Variants in GLB1 observed in about 807,000 individuals in gnomAD.
GLB1 encodes galactosidase beta 1.
Under a neutral mutation model 74.0 loss-of-function variants are expected in GLB1, and 56 were observed. That is an observed-to-expected ratio of 0.76 (90% CI 0.61 to 0.94). GLB1 has a LOEUF of 0.94. GLB1 is among the 40% of genes least tolerant of loss of function. The probability of loss-of-function intolerance (pLI) is 0.00; values close to 1 mark genes in which losing one functional copy is unlikely to be tolerated. For synonymous variants in GLB1, 323 were observed against 323.6 expected, an observed-to-expected ratio of 1.00 and a Z score of 0.02; for missense variants, 787 against 845.5, an observed-to-expected ratio of 0.93 and a Z score of 0.86.
intron 5 of GLB1, among the ~76,000 whole-genome samples, chr3:33,064,599 A>G (rs1363707785): frequency 6.6e-6 from 1 of 151,704 alleles, no homozygotes; most frequent in Non-Finnish European, 1.5e-5. Flanking sequence ...CAACATGGCG[A>G]AACCCCGTCT....
downstream of GLB1, among the ~76,000 whole-genome samples, chr3:32,993,982 C>A (rs79493384): frequency 1.7e-4 from 26 of 152,260 alleles, no homozygotes; most frequent in Non-Finnish European, 1.5e-5. Flanking sequence ...TCATTATTCA[C>A]TATCTTCAAA....
At chr3:33,065,660 C>T in intron 4 of GLB1, 103 bp from the exon 5 acceptor site, 4 of 1,391,646 alleles carry the variant, frequency 2.9e-6, no homozygotes, top group Non-Finnish European at 4.0e-6. Flanking sequence ...AATTCGTAAA[C>T]TTTTTAAAAA....
intron 10 of GLB1, chr3:33,045,245 C>CT (rs35949170): frequency 0.14 from 76,397 of 557,066 alleles, 1,805 homozygotes; most frequent in East Asian, 0.38. Context: ...TAGACTCACT[C>CT]TTTTTTTTTT....
At chr3:33,095,430 G>A (rs1575504588) in intron 1 of GLB1, among the ~76,000 whole-genome samples, 1 of 152,260 alleles carries the variant, frequency 6.6e-6, no homozygotes, top group African/African-American at 2.4e-5. Context: ...GGAGGCTGAG[G>A]CAGGAGAATG....
intron 10 of GLB1, among the ~76,000 whole-genome samples, chr3:33,035,751 C>G (rs1698248158): frequency 6.6e-6 from 1 of 152,314 alleles, no homozygotes; most frequent in African/African-American, 2.4e-5. Context: ...TATTGTAGCT[C>G]AAACTGACTA....
At chr3:33,047,562 G>C (rs1698792701) in intron 9 of GLB1, among the ~76,000 whole-genome samples, 1 of 152,236 alleles carries the variant, frequency 6.6e-6, no homozygotes, top group Non-Finnish European at 1.5e-5. Context: ...ATGCAAGTGT[G>C]TGAGAATGAA....
In GLB1 at chr3:33,018,525, G is replaced by C. The variant is rs1032159843; in HGVS notation, c.1270C>G (p.Gln424Glu). 2 of 1,614,046 alleles carry C rather than the reference G, an allele frequency of 1.2e-6. No homozygotes were observed. Among genetic ancestry groups the C allele is most frequent in the Admixed American group, 1.7e-5 (1 of 60,012 alleles). Residue 424 changes from glutamine to glutamate, a missense_variant, in exon 13 of 16, where the codon CAA (glutamine) becomes GAA (glutamate). Physicochemically the swap from Gln to Glu is conservative, Grantham distance 29. Transcript: ENST00000307363. Reference protein sequence around the residue: ...GFVLYRTTLPQDCSNPAPLSS... With the variant: ...GFVLYRTTLPEDCSNPAPLSS... ...AGAGGTGCTGGGTTGCTGCAATCTT[G>C]AGGAAGTGTTGTCCGGTACAGCACA...
Position 33,051,753 on chromosome 3 carries a change from C to T in GLB1, c.955+5G>A, listed in dbSNP as rs1464136979. ...AAGTTTCTACAGATATTAAAGTGCT[C>T]TTACCATTCCAATAGGCAAAATTGG... On this transcript the variant is annotated splice_donor_5th_base_variant and intron_variant, in intron 9 of 15. Transcript: ENST00000307363. The T allele has an allele frequency of 1.9e-6, 3 of 1,614,180 alleles. No individual in the cohort carries two copies. In the African/African-American group the frequency reaches 4.0e-5, roughly 22 times the overall value.
At chr3:33,088,977 T>A (rs1359798495) in intron 1 of GLB1, among the ~76,000 whole-genome samples, 1 of 152,168 alleles carries the variant, frequency 6.6e-6, no homozygotes, top group Non-Finnish European at 1.5e-5. Context: ...AACAAACTCT[T>A]GTGTATATGG....
At chr3:33,017,389 CTT>C (rs1697278996) in intron 13 of GLB1, among the ~76,000 whole-genome samples, 2 of 152,198 alleles carry the variant, frequency 1.3e-5, no homozygotes, top group Admixed American at 1.3e-4. Flanking sequence ...AAAGGTTAGA[CTT>C]TAAAAATTGA....
At chr3:33,076,404 T>C (rs567789206) in intron 1 of GLB1, among the ~76,000 whole-genome samples, 112 of 152,320 alleles carry the variant, frequency 7.4e-4, no homozygotes, top group Admixed American at 1.4e-3. Context: ...GATTTTATGC[T>C]GAGAGCCATG....
At chr3:33,044,766 A>G (rs184820829) in intron 10 of GLB1, among the ~76,000 whole-genome samples, 10 of 152,292 alleles carry the variant, frequency 6.6e-5, no homozygotes, top group Non-Finnish European at 1.2e-4. Flanking sequence ...AAAAAACCAT[A>G]CCATTTATAG....
intron 1 of GLB1, chr3:33,094,015 G>A (rs754237447): frequency 2.4e-5 from 39 of 1,614,232 alleles, no homozygotes; most frequent in East Asian, 8.9e-5. Context: ...CAAATGTAGA[G>A]GGAGCCAATG....
the GLB1 span, among the ~76,000 whole-genome samples, chr3:32,969,115 T>C: frequency 6.6e-6 from 1 of 152,218 alleles, no homozygotes; most frequent in Non-Finnish European, 1.5e-5. Flanking sequence ...GGACATTGAA[T>C]ATTTTACTGA....
At chr3:33,038,681 T>C (rs1312890079) in intron 10 of GLB1, among the ~76,000 whole-genome samples, 1 of 152,046 alleles carries the variant, frequency 6.6e-6, no homozygotes, top group African/African-American at 2.4e-5. Flanking sequence ...AAGATAAAAA[T>C]TGGACTTCAG....
At chr3:33,006,428 C>T (rs1449628230) in intron 15 of GLB1, among the ~76,000 whole-genome samples, 2 of 152,166 alleles carry the variant, frequency 1.3e-5, no homozygotes, top group African/African-American at 4.8e-5. Flanking sequence ...ACCCCCCCAC[C>T]CCTGACCACA....
intron 14 of GLB1, among the ~76,000 whole-genome samples, chr3:33,016,474 A>C (rs946904871): frequency 7.2e-5 from 11 of 152,200 alleles, no homozygotes; most frequent in Admixed American, 2.0e-4. Flanking sequence ...CTCCTGCCTC[A>C]GCCTCCTGAG....
At chr3:33,016,984 G>A (rs941171699) in intron 13 of GLB1, 144 bp from the exon 14 acceptor site, 3 of 1,383,622 alleles carry the variant, frequency 2.2e-6, no homozygotes, top group Admixed American at 2.4e-5. Flanking sequence ...TAGCATCTTA[G>A]CCCAAGTTAC....
At chr3:33,003,006 T>C (rs1047397517) in intron 15 of GLB1, among the ~76,000 whole-genome samples, 2 of 152,210 alleles carry the variant, frequency 1.3e-5, no homozygotes, top group Non-Finnish European at 2.9e-5. Context: ...AATAAGAGGT[T>C]AAATAGATCT....
Sources: gnomAD v4.1 joint callset for allele counts (sites outside exome capture counted in the v4.1 genomes callset) on GRCh38, gnomAD v4.1.1 for gene constraint, MANE v1.5 for transcripts, NCBI Gene and HGNC (gene_info 2026-07-23, HGNC 2026-07-21) for gene names.